The following FHIP1A variants were observed in gnomAD, a reference collection of about 807,000 sequenced individuals.
FHIP1A encodes FHF complex subunit HOOK-interacting protein 1A.
In FHIP1A, 61 loss-of-function variants were observed where a neutral mutation model predicts 88.6. The ratio of observed to expected loss-of-function variants is 0.69; its 90% CI spans 0.56 to 0.85. The LOEUF (loss-of-function observed/expected upper bound fraction) is 0.85. FHIP1A is among the 40% of genes least tolerant of loss of function. FHIP1A has a pLI of 0.00. For synonymous variants in FHIP1A, 478 were observed against 496.0 expected, an observed-to-expected ratio of 0.96 and a Z score of 0.48; for missense variants, 1,154 against 1,273.5, an observed-to-expected ratio of 0.91 and a Z score of 1.43.
At chr4:151,435,611 C>T (rs1053505507) in intron 1 of FHIP1A, among the ~76,000 whole-genome samples, 1 of 151,868 alleles carries the variant, frequency 6.6e-6, no homozygotes, top group African/African-American at 2.4e-5. Flanking sequence ...ATGGGGAAAC[C>T]CCATCTCTAC....
chr4:151,474,880 T>A (rs917237562), intron 2 of FHIP1A, among the ~76,000 whole-genome samples: 1 of 152,234 alleles, frequency 6.6e-6, no homozygotes. Flanking sequence ...GAGGCCATCC[T>A]CTGATTCTTT....
intron 4 of FHIP1A, among the ~76,000 whole-genome samples, chr4:151,573,316 G>A (rs896558499): frequency 2.0e-5 from 3 of 149,966 alleles, no homozygotes; most frequent in Admixed American, 6.6e-5. Flanking sequence ...ACATGTCTGC[G>A]TTTCTTAAAG....
rs1737688790 is a variant in FHIP1A at position 151,666,958 on chromosome 4, A to G, written c.*4204A>G. ...CCGGCGTGGTGTTCAGTATCTGCAT[A>G]TGCCCCAGTTCTCATTTAAGGGCAG... On this transcript the variant is annotated 3_prime_UTR_variant, in exon 14 of 14. Transcript: ENST00000435205. 6.6e-6 allele frequency among the ~76,000 whole-genome samples: 1 copy of G among 152,164 alleles called. No individual in the cohort carries two copies.
intron 1 of FHIP1A, among the ~76,000 whole-genome samples, chr4:151,452,446 G>A (rs968683088): frequency 6.6e-6 from 1 of 152,018 alleles, no homozygotes; most frequent in African/African-American, 2.4e-5. Context: ...GATACATCAG[G>A]CTGGCATGGT....
Position 151,638,693 on chromosome 4 carries a change from T to A in FHIP1A, c.1163T>A (p.Leu388Gln), listed in dbSNP as rs748198293. Residue 388 changes from leucine (L) to glutamine (Q), a missense_variant, in exon 9 of 14, where the codon CTG becomes CAG. Transcript: ENST00000435205. ...NTPFRLCVVSLALFRTLIGLH... is the reference protein window; with the variant it reads ...NTPFRLCVVSQALFRTLIGLH... The stretch of plus-strand genomic sequence containing the variant: ...GCTTCCCAGCTTTGTGTGGTGTCTC[T>A]GGCATTATTCAGAACTCTCATTGGT... The A allele has an allele frequency of 1.9e-6, 3 of 1,549,566 alleles. No homozygotes were observed. In the Admixed American group the frequency reaches 5.9e-5, roughly 30 times the overall value.
rs1401729498 is a variant in FHIP1A at position 151,552,731 on chromosome 4, G to A, written c.-122-13407G>A. On this transcript the variant is annotated intron_variant, in intron 3 of 13. Coordinates refer to ENST00000435205, the MANE Select transcript of FHIP1A (RefSeq NM_001109977.3). ...AGGAGAAATACCTAATGTAAATGAC[G>A]AATTAATGGGTGCAGCAAACCAACA... is the stretch of plus-strand genomic sequence containing the variant. Among the ~76,000 whole-genome samples, 19 of 150,700 alleles carry A rather than the reference G, an allele frequency of 1.3e-4. No individual in the cohort carries two copies. In the East Asian group the frequency reaches 2.7e-3, roughly 22 times the overall value.
intron 1 of FHIP1A, among the ~76,000 whole-genome samples, chr4:151,422,161 A>G (rs900107725): frequency 2.0e-5 from 3 of 151,846 alleles, no homozygotes; most frequent in African/African-American, 7.2e-5. Flanking sequence ...TAAAGTGACA[A>G]AAATGGGAAA....
intron 3 of FHIP1A, among the ~76,000 whole-genome samples, chr4:151,539,152 A>AT (rs1243689336): frequency 4.6e-5 from 7 of 152,228 alleles, no homozygotes; most frequent in African/African-American, 1.7e-4. Flanking sequence ...CCCCCAAAGG[A>AT]TGTGGCAGAA....
chr4:151,421,827 C>G (rs1226389453), intron 1 of FHIP1A, among the ~76,000 whole-genome samples: 1 of 151,982 alleles, frequency 6.6e-6, no homozygotes, highest in Non-Finnish European at 1.5e-5. Context: ...ATAGCCACAC[C>G]AATAACAGAA....
intron 2 of FHIP1A, among the ~76,000 whole-genome samples, chr4:151,460,331 C>T (rs1218573476): frequency 6.6e-6 from 1 of 152,114 alleles, no homozygotes; most frequent in Non-Finnish European, 1.5e-5. Context: ...TGAAGTGTTT[C>T]AGAGCACAAC....
chr4:151,440,937 C>T (rs1207088900), intron 1 of FHIP1A, among the ~76,000 whole-genome samples: 2 of 152,138 alleles, frequency 1.3e-5, no homozygotes, highest in Non-Finnish European at 1.5e-5. Context: ...TTAGTGTCGC[C>T]GAATGCAGTC....
chr4:151,645,771 CTTTA>C (rs1485193947), intron 9 of FHIP1A, among the ~76,000 whole-genome samples: 1 of 151,816 alleles, frequency 6.6e-6, no homozygotes, highest in Admixed American at 6.6e-5. Flanking sequence ...TTTAAACACA[CTTTA>C]TTCTAGCCAT....
At chr4:151,623,552 TTGGC>T (rs1407811271) in intron 7 of FHIP1A, among the ~76,000 whole-genome samples, 1 of 144,170 alleles carries the variant, frequency 6.9e-6, no homozygotes, top group African/African-American at 2.5e-5. Context: ...TCGCCTCAAT[TTGGC>T]TTATTTTAAA....
intron 3 of FHIP1A, among the ~76,000 whole-genome samples, chr4:151,504,781 C>T (rs1337588797): frequency 6.6e-6 from 1 of 152,044 alleles, no homozygotes; most frequent in African/African-American, 2.4e-5. Flanking sequence ...GTCACCATGC[C>T]TAATTTTTGT....
At chr4:151,606,448 G>C (rs1024820184) in intron 7 of FHIP1A, among the ~76,000 whole-genome samples, 7 of 152,172 alleles carry the variant, frequency 4.6e-5, no homozygotes, top group Non-Finnish European at 1.0e-4. Context: ...CTTGGCTTTG[G>C]AATTTTTAGA....
intron 1 of FHIP1A, among the ~76,000 whole-genome samples, chr4:151,418,167 A>C (rs1202790134): frequency 2.8e-5 from 3 of 108,636 alleles, no homozygotes; most frequent in African/African-American, 1.0e-4. Context: ...GTAGGAACCT[A>C]TCTCTAAAAA....
chr4:151,575,067 A>G (rs1286126839), intron 4 of FHIP1A, among the ~76,000 whole-genome samples: 1 of 152,136 alleles, frequency 6.6e-6, no homozygotes, highest in Non-Finnish European at 1.5e-5. Context: ...TTCCAGAAAG[A>G]TTGAGCTAAT....
chr4:151,586,658 C>T lies in FHIP1A; in HGVS notation c.750C>T (p.Leu250=). Residue 250 remains leucine, a synonymous_variant, in exon 6 of 14, where the codon CTC becomes CTT. Transcript: ENST00000435205. ...GAACACAGGTACTTGCAACTGGGCT[C>T]AGTGGTCTCTACTCTTCCCTGCCTA... The part of the protein sequence containing the change: ...TYFCPVLATG[L]SGLYSSLPTK... 6.5e-7 allele frequency: 1 copy of T among 1,548,380 alleles called. No individual in the cohort carries two copies. The highest frequency in any genetic ancestry group is 8.7e-7 in the Non-Finnish European group (1 of 1,144,582).
chr4:151,662,279 A>G (rs1737486950), intron 13 of FHIP1A, among the ~76,000 whole-genome samples: 1 of 152,196 alleles, frequency 6.6e-6, no homozygotes, highest in African/African-American at 2.4e-5. Flanking sequence ...ATTTTGGGTG[A>G]AAGTCTCATA....
Sources: allele counts gnomAD v4.1 joint callset (sites outside exome capture counted in the v4.1 genomes callset), GRCh38; gene constraint gnomAD v4.1.1; transcripts MANE v1.5; gene names NCBI Gene and HGNC (gene_info 2026-07-23, HGNC 2026-07-21).